Variants in PCDH15 observed in about 807,000 individuals in gnomAD.
PCDH15 encodes the protein protocadherin related 15.
A neutral mutation model predicts 178.5 loss-of-function variants in PCDH15; 129 were observed. That is an observed-to-expected ratio of 0.72 (90% CI 0.63 to 0.84). The LOEUF is 0.84. Ranked by LOEUF, PCDH15 falls within the 40% of genes least tolerant of loss-of-function variation. The pLI, the probability that PCDH15 is intolerant of heterozygous loss-of-function variation, is 0.00. For synonymous variants in PCDH15, 800 were observed against 732.0 expected, an observed-to-expected ratio of 1.09 and a Z score of -1.50; for missense variants, 2,230 against 2,099.9, an observed-to-expected ratio of 1.06 and a Z score of -1.21.
chr10:54,038,521 G>C (rs2093469390), intron 18 of PCDH15, among the ~76,000 whole-genome samples: 1 of 151,934 alleles, frequency 6.6e-6, no homozygotes, highest in African/African-American at 2.4e-5. Context: ...GCAATTGCAT[G>C]TCACAGTTTT....
intron 8 of PCDH15, among the ~76,000 whole-genome samples, chr10:54,302,054 C>T (rs1191227006): frequency 2.6e-5 from 4 of 151,698 alleles, no homozygotes; most frequent in Non-Finnish European, 4.4e-5. Flanking sequence ...TTTAAAATTC[C>T]CATCAAAATC....
chr10:54,968,948 T>A (rs535041379), intron 2 of PCDH15, among the ~76,000 whole-genome samples: 21 of 152,308 alleles, frequency 1.4e-4, no homozygotes, highest in Middle Eastern at 3.4e-3. Flanking sequence ...GACATTGCAT[T>A]CCTTTTTCAT....
chr10:54,262,070 T>C (rs10763092), intron 8 of PCDH15, among the ~76,000 whole-genome samples: 103,806 of 151,856 alleles, frequency 0.68, 36,478 homozygotes, highest in Middle Eastern at 0.76. Flanking sequence ...CACAATGTAC[T>C]TCTGAGATCC....
At chr10:53,975,993 C>T (rs1398394976) in intron 21 of PCDH15, among the ~76,000 whole-genome samples, 4 of 152,082 alleles carry the variant, frequency 2.6e-5, no homozygotes, top group South Asian at 2.1e-4. Flanking sequence ...ATATGGCTAG[C>T]GAGTATACTA....
chr10:55,529,755 A>ATATG (rs1841403369), intron 2 of PCDH15, among the ~76,000 whole-genome samples: 2 of 130,036 alleles, frequency 1.5e-5, no homozygotes, highest in African/African-American at 5.7e-5. Context: ...ATATATATAT[A>ATATG]TATATATATA....
intron 1 of PCDH15, among the ~76,000 whole-genome samples, chr10:55,311,342 T>G (rs1843581268): frequency 6.6e-6 from 1 of 152,156 alleles, no homozygotes; most frequent in South Asian, 2.1e-4. Context: ...AATATGAGAT[T>G]CCCCTAAAGC....
chr10:53,823,128 A>G, intron 32 of PCDH15: 1 of 1,613,996 alleles, frequency 6.2e-7, no homozygotes. Context: ...TACTTGACTT[A>G]TGTTTTCCTT....
intron 2 of PCDH15, among the ~76,000 whole-genome samples, chr10:54,993,181 T>C (rs1425036295): frequency 2.6e-5 from 4 of 152,120 alleles, no homozygotes; most frequent in East Asian, 3.9e-4. Flanking sequence ...TGGGGGTCGA[T>C]GAGGGAAATA....
intron 2 of PCDH15, among the ~76,000 whole-genome samples, chr10:55,149,599 T>C (rs1838640958): frequency 1.3e-5 from 2 of 152,072 alleles, no homozygotes; most frequent in Admixed American, 6.6e-5. Flanking sequence ...GTCAAATAAA[T>C]TTATGGCTTC....
chr10:54,491,137 C>A (rs920256228), intron 3 of PCDH15, among the ~76,000 whole-genome samples: 1 of 152,032 alleles, frequency 6.6e-6, no homozygotes, highest in Non-Finnish European at 1.5e-5. Context: ...AGTAGAAATG[C>A]AGTAGCAGTT....
intron 8 of PCDH15, among the ~76,000 whole-genome samples, chr10:54,288,856 C>A (rs894523644): frequency 1.3e-5 from 2 of 152,226 alleles, no homozygotes; most frequent in African/African-American, 4.8e-5. Flanking sequence ...AACAAAGCAG[C>A]CAGGGAGCTC....
chr10:54,643,297 T>C (rs2094037258), intron 2 of PCDH15, among the ~76,000 whole-genome samples: 1 of 152,240 alleles, frequency 6.6e-6, no homozygotes, highest in African/African-American at 2.4e-5. Flanking sequence ...AATGACTTTT[T>C]ATATTAAACC....
intron 15 of PCDH15, among the ~76,000 whole-genome samples, chr10:54,096,834 G>A (rs1446842118): frequency 1.3e-5 from 2 of 152,154 alleles, no homozygotes; most frequent in African/African-American, 4.8e-5. Flanking sequence ...GTCCATAGCA[G>A]ATGTCAAAAA....
chr10:55,389,912 T>C (rs1235958710), intron 2 of PCDH15, among the ~76,000 whole-genome samples: 4 of 152,272 alleles, frequency 2.6e-5, no homozygotes, highest in African/African-American at 7.2e-5. Flanking sequence ...AAATCTTGTT[T>C]CAATAGTAAA....
intron 8 of PCDH15, among the ~76,000 whole-genome samples, chr10:54,247,252 T>C (rs2056038159): frequency 6.6e-6 from 1 of 151,996 alleles, no homozygotes; most frequent in Non-Finnish European, 1.5e-5. Flanking sequence ...TTTCCATAGA[T>C]AAAATATTGC....
At chr10:54,607,172 G>T (rs1426228217) in intron 2 of PCDH15, among the ~76,000 whole-genome samples, 2 of 151,834 alleles carry the variant, frequency 1.3e-5, no homozygotes, top group South Asian at 4.2e-4. Context: ...AAAATGAGTT[G>T]TTTTATATGT....
chr10:54,122,600 A>T (rs965139923), intron 15 of PCDH15, among the ~76,000 whole-genome samples: 14 of 152,236 alleles, frequency 9.2e-5, no homozygotes, highest in Middle Eastern at 6.8e-3. Context: ...AAGAAAAAAA[A>T]ATCAGACTAT....
At chr10:54,477,935 C>A (rs1008112302) in intron 3 of PCDH15, among the ~76,000 whole-genome samples, 2 of 152,086 alleles carry the variant, frequency 1.3e-5, no homozygotes, top group Non-Finnish European at 2.9e-5. Context: ...TGGCAGAGAC[C>A]ACCTACTGTT....
rs1337149125 is a variant in PCDH15 at position 53,803,629 on chromosome 10, A to T, written c.*2950T>A. 2.0e-5 allele frequency: 3 copies of T among 151,998 alleles called. No homozygotes were observed. Among genetic ancestry groups the T allele is most frequent in the African/African-American group, 7.2e-5 (3 of 41,430 alleles). 9.4% of individuals were successfully genotyped at this position (151,998 alleles called of 1,614,324 possible). On this transcript the variant is annotated 3_prime_UTR_variant, in exon 38 of 38. Coordinates refer to ENST00000644397, the MANE Select transcript of PCDH15 (RefSeq NM_001384140.1). ...ATGACAACTCTCAGAGTCTGTAATT[A>T]ATGAGAAAGACAAATTGAGAGAGGG...
Sources: gnomAD v4.1 joint callset for allele counts (sites outside exome capture counted in the v4.1 genomes callset) on GRCh38, gnomAD v4.1.1 for gene constraint, MANE v1.5 for transcripts, NCBI Gene and HGNC (gene_info 2026-07-23, HGNC 2026-07-21) for gene names.